The following DRC11L variants were observed in gnomAD, a reference collection of about 807,000 sequenced individuals.
The protein encoded by DRC11L is dynein regulatory complex subunit 11 like.
chr7:151,196,628 C>T, the DRC11L span: 2 of 399,396 alleles, frequency 5.0e-6, no homozygotes, highest in Non-Finnish European at 8.8e-6. Context: ...CATGCGTGCA[C>T]AAGCACATGC....
At chr7:151,196,445 C>T in the DRC11L span, 1 of 399,262 alleles carries the variant, frequency 2.5e-6, no homozygotes, top group Non-Finnish European at 4.4e-6. Context: ...CCTGTGCTCA[C>T]ACCTGTATCC....
chr7:151,200,317 G>T, the DRC11L span: 1 of 399,304 alleles, frequency 2.5e-6, no homozygotes, highest in Non-Finnish European at 4.4e-6. Context: ...GACTGCTCTG[G>T]GTGGGGGCCC....
At chr7:151,198,189 G>A in the DRC11L span, among the ~76,000 whole-genome samples, 6 of 150,028 alleles carry the variant, frequency 4.0e-5, no homozygotes, top group Admixed American at 4.0e-4. Flanking sequence ...TGGATGGGGA[G>A]ATGGAGAGGT....
chr7:151,198,749 G>T, the DRC11L span: 1 of 398,968 alleles, frequency 2.5e-6, no homozygotes. Flanking sequence ...GAGGGACCCT[G>T]AGCGAAGGGA....
chr7:151,197,725 T>C, the DRC11L span: 3 of 368,010 alleles, frequency 8.2e-6, no homozygotes, highest in Admixed American at 4.6e-5. Context: ...TCTGCCTCCA[T>C]TGAGGCTGAC....
At chr7:151,200,529 G>T in the DRC11L span, 26 of 399,124 alleles carry the variant, frequency 6.5e-5, no homozygotes, top group East Asian at 8.6e-4. Flanking sequence ...CTGTCTCTCA[G>T]AGAGGGTCCG....
the DRC11L span, among the ~76,000 whole-genome samples, chr7:151,197,657 C>T: frequency 6.6e-6 from 1 of 152,216 alleles, no homozygotes; most frequent in African/African-American, 2.4e-5. Context: ...GCCGCAGCTG[C>T]TCCTTGCTCC....
the DRC11L span, chr7:151,195,411 C>T: frequency 2.5e-6 from 1 of 399,132 alleles, no homozygotes; most frequent in Admixed American, 4.4e-5. Context: ...GCAAAGTGGG[C>T]ACGACAGGGT....
chr7:151,195,931 C>G, the DRC11L span: 1 of 314,758 alleles, frequency 3.2e-6, no homozygotes, highest in Non-Finnish European at 5.8e-6. Context: ...GAGAAGCCCC[C>G]AGATGGAATT....
At chr7:151,193,505 A>G in the DRC11L span, 1 of 399,410 alleles carries the variant, frequency 2.5e-6, no homozygotes, top group East Asian at 3.6e-5. Flanking sequence ...GAGCAAGGAA[A>G]TGGGCCAGAG....
At chr7:151,200,305 A>C in the DRC11L span, 2 of 399,168 alleles carry the variant, frequency 5.0e-6, no homozygotes, top group East Asian at 7.1e-5. Context: ...GGGCTGGAAG[A>C]AGACTGCTCT....
chr7:151,203,871 C>T, the DRC11L span, among the ~76,000 whole-genome samples: 10 of 152,184 alleles, frequency 6.6e-5, no homozygotes, highest in Admixed American at 4.6e-4. Context: ...CCCCCACCCC[C>T]GACCAAGTGC....
chr7:151,199,459 G>A, the DRC11L span, among the ~76,000 whole-genome samples: 5 of 152,166 alleles, frequency 3.3e-5, no homozygotes, highest in Non-Finnish European at 7.4e-5. The surrounding 1 kb of genome is among the most constrained non-coding windows in gnomAD (Gnocchi z 5.2). Flanking sequence ...CCGGGCGGCC[G>A]GGCTCATTCC....
chr7:151,195,640 G>A, the DRC11L span: 1 of 399,768 alleles, frequency 2.5e-6, no homozygotes, highest in Non-Finnish European at 4.4e-6. Flanking sequence ...CTCAGCTCCT[G>A]ACGCATCAGC....
At chr7:151,192,704 C>T in the DRC11L span, 2 of 399,118 alleles carry the variant, frequency 5.0e-6, no homozygotes, top group Non-Finnish European at 8.8e-6. Context: ...CCAGCTCACG[C>T]TACCTGCCCA....
chr7:151,204,229 C>G, the DRC11L span, among the ~76,000 whole-genome samples: 2 of 152,186 alleles, frequency 1.3e-5, no homozygotes, highest in Non-Finnish European at 2.9e-5. Flanking sequence ...TACCTCCATG[C>G]ACACCCCCCA....
At chr7:151,204,749 G>T in the DRC11L span, 2 of 399,110 alleles carry the variant, frequency 5.0e-6, no homozygotes, top group East Asian at 7.1e-5. Context: ...GCCGCTCCCG[G>T]TCGGGCGCAG....
the DRC11L span, chr7:151,194,546 T>A: frequency 2.5e-6 from 1 of 399,422 alleles, no homozygotes; most frequent in Non-Finnish European, 4.4e-6. Flanking sequence ...ACTGACTCAC[T>A]CTTCCTTAGA....
the DRC11L span, chr7:151,203,615 T>C: frequency 7.6e-6 from 3 of 396,018 alleles, no homozygotes; most frequent in South Asian, 4.2e-4. Flanking sequence ...CCAGCACTGT[T>C]TTCCTCCATT....
Sources: gnomAD v4.1 joint callset for allele counts (sites outside exome capture counted in the v4.1 genomes callset) on GRCh38, gnomAD v4.1.1 for gene constraint, Gnocchi (gnomAD v3.1) non-coding constraint, MANE v1.5 for transcripts, NCBI Gene and HGNC (gene_info 2026-07-23, HGNC 2026-07-21) for gene names.